The following MAL2 variants were observed in gnomAD, a reference collection of about 807,000 sequenced individuals.
The protein encoded by MAL2 is mal, T cell differentiation protein 2.
Under a neutral mutation model 18.1 loss-of-function variants are expected in MAL2, and 17 were observed. The observed-to-expected ratio is 0.94, with a 90% CI of 0.64 to 1.41. The LOEUF is 1.41. MAL2 is among the 40% of genes most tolerant of loss of function. The pLI is 0.00. For synonymous variants in MAL2, 102 were observed against 102.3 expected, an observed-to-expected ratio of 1.00 and a Z score of 0.02; for missense variants, 222 against 231.9, an observed-to-expected ratio of 0.96 and a Z score of 0.28.
chr8:119,228,207 G>A (rs1817636793), intron 2 of MAL2, among the ~76,000 whole-genome samples: 1 of 152,000 alleles, frequency 6.6e-6, no homozygotes, highest in Non-Finnish European at 1.5e-5. Flanking sequence ...TCCTCTTCCT[G>A]CCTTTTTGTC....
At chr8:119,232,157 G>A (rs1435739386) in intron 2 of MAL2, among the ~76,000 whole-genome samples, 3 of 151,904 alleles carry the variant, frequency 2.0e-5, no homozygotes, top group Admixed American at 6.6e-5. Flanking sequence ...ATCCCACAAT[G>A]TATAAATATT....
chr8:119,242,654 TG>T (rs1382914060), intron 3 of MAL2, among the ~76,000 whole-genome samples: 2 of 152,212 alleles, frequency 1.3e-5, no homozygotes, highest in Admixed American at 1.3e-4. Flanking sequence ...ACTGTGAAAA[TG>T]GTCTATAGGT....
chr8:119,239,837 C>A (rs538195236), intron 2 of MAL2, among the ~76,000 whole-genome samples: 1 of 148,588 alleles, frequency 6.7e-6, no homozygotes, highest in Admixed American at 6.9e-5. Context: ...AGCACACTAG[C>A]ATGGCACATG....
chr8:119,209,115 A>G (rs112592830), intron 1 of MAL2: 149 of 163,338 alleles, frequency 9.1e-4, no homozygotes, highest in African/African-American at 3.3e-3. Flanking sequence ...GGACTTGAAC[A>G]TGCTTTTTCC....
At chr8:119,242,411 T>G (rs936340507) in intron 3 of MAL2, among the ~76,000 whole-genome samples, 76 of 152,276 alleles carry the variant, frequency 5.0e-4, no homozygotes, top group African/African-American at 1.7e-3. Context: ...ATATGCTCAC[T>G]CCAGTCTAAG....
At chr8:119,228,816 A>G (rs1479973489) in intron 2 of MAL2, among the ~76,000 whole-genome samples, 1 of 152,126 alleles carries the variant, frequency 6.6e-6, no homozygotes, top group Non-Finnish European at 1.5e-5. Flanking sequence ...TGTTTTTGTG[A>G]GAGTGAAATA....
rs543413587 is a variant in MAL2 at position 119,242,187 on chromosome 8, GAATAGTAGCTGCTGA to G, written c.460-1225_460-1211del. ...GTCACCCTAGAACCTACTTTCACAA[GAATAGTAGCTGCTGA>G]AATACGTGATGGTTGTCTGAGGTCT... On this transcript the variant is annotated intron_variant, in intron 3 of 3. Coordinates refer to ENST00000614891, the MANE Select transcript of MAL2 (RefSeq NM_052886.3). 1.9e-3 allele frequency among the ~76,000 whole-genome samples: 288 copies of G among 152,266 alleles called. 1 individual carries two copies. Among genetic ancestry groups the G allele is most frequent in the African/African-American group, 6.6e-3 (276 of 41,554 alleles).
chr8:119,221,951 T>C (rs1253916991), intron 2 of MAL2, among the ~76,000 whole-genome samples, 194 bp downstream of exon 2: 1 of 152,112 alleles, frequency 6.6e-6, no homozygotes, highest in African/African-American at 2.4e-5. Flanking sequence ...GCGAAATCTC[T>C]GTGTTGATAG....
chr8:119,236,540 G>A (rs1461892133), intron 2 of MAL2, among the ~76,000 whole-genome samples: 6 of 151,274 alleles, frequency 4.0e-5, no homozygotes, highest in Non-Finnish European at 8.8e-5. Context: ...CCACATAGTT[G>A]GAAGTAAAGC....
At chr8:119,219,520 G>GGTGT (rs143315878) in intron 1 of MAL2, among the ~76,000 whole-genome samples, 42 of 148,012 alleles carry the variant, frequency 2.8e-4, no homozygotes, top group African/African-American at 7.9e-4. Flanking sequence ...ACTCTCCCTG[G>GGTGT]GTGTGTGTGT....
At chr8:119,237,943 A>G (rs1023406764) in intron 2 of MAL2, among the ~76,000 whole-genome samples, 2 of 152,328 alleles carry the variant, frequency 1.3e-5, no homozygotes, top group South Asian at 2.1e-4. Context: ...GGCCAGGGCC[A>G]TCAGGCAGAA....
chr8:119,219,719 C>T (rs1404264828), intron 1 of MAL2, among the ~76,000 whole-genome samples: 1 of 151,700 alleles, frequency 6.6e-6, no homozygotes, highest in African/African-American at 2.4e-5. Context: ...GCTTGGGATG[C>T]AGAGACATAT....
chr8:119,224,512 T>C (rs982502981), intron 2 of MAL2, among the ~76,000 whole-genome samples: 1 of 152,238 alleles, frequency 6.6e-6, no homozygotes, highest in South Asian at 2.1e-4. Context: ...TTGCCTATTA[T>C]GGACATCACT....
At chr8:119,236,701 A>G (rs1421559126) in intron 2 of MAL2, among the ~76,000 whole-genome samples, 4 of 151,090 alleles carry the variant, frequency 2.6e-5, no homozygotes, top group African/African-American at 2.5e-5. Flanking sequence ...TACTGGGTAC[A>G]TAACGAAATG....
rs373623796 is a variant in MAL2 at position 119,241,370 on chromosome 8, G to GA, written c.459+1058dup. ...TAGCAAAACCTTGTCTCTGAAAAAG[G>GA]AAAAAAAACAGAATAAAGAATTGGC... On this transcript the variant is annotated intron_variant, in intron 3 of 3. Coordinates refer to ENST00000614891, the MANE Select transcript of MAL2 (RefSeq NM_052886.3). Among the ~76,000 whole-genome samples, 272 of 151,628 alleles carry GA rather than the reference G, an allele frequency of 1.8e-3. 1 individual carries two copies. The highest frequency in any genetic ancestry group is 5.5e-3 in the African/African-American group (227 of 41,350).
intron 2 of MAL2, among the ~76,000 whole-genome samples, chr8:119,226,568 G>A (rs148373036): frequency 5.3e-5 from 8 of 151,944 alleles, no homozygotes; most frequent in African/African-American, 1.9e-4. Flanking sequence ...ACACATAGTG[G>A]GCAGTGCTCT....
chr8:119,233,365 C>T (rs1817779055), intron 2 of MAL2, among the ~76,000 whole-genome samples: 1 of 151,792 alleles, frequency 6.6e-6, no homozygotes, highest in Non-Finnish European at 1.5e-5. Flanking sequence ...AAAAAACCCT[C>T]TAAAAAATTA....
At chr8:119,229,193 C>T (rs960055709) in intron 2 of MAL2, among the ~76,000 whole-genome samples, 7 of 152,168 alleles carry the variant, frequency 4.6e-5, no homozygotes, top group African/African-American at 1.7e-4. Flanking sequence ...CATAGTATGC[C>T]TAATCCCGTA....
chr8:119,241,283 A>T (rs181129211), intron 3 of MAL2, among the ~76,000 whole-genome samples: 2,088 of 152,216 alleles, frequency 0.014, 46 homozygotes, highest in African/African-American at 0.048. Context: ...ATCCCAGCAC[A>T]TTGGTAGGCC....
Sources: gnomAD v4.1 joint callset for allele counts (sites outside exome capture counted in the v4.1 genomes callset) on GRCh38, gnomAD v4.1.1 for gene constraint, MANE v1.5 for transcripts, NCBI Gene and HGNC (gene_info 2026-07-23, HGNC 2026-07-21) for gene names.